NIBAN1: variants seen among roughly 807,000 people sequenced by gnomAD.
NIBAN1 encodes the protein protein Niban 1.
In NIBAN1, 81 loss-of-function variants were observed where a neutral mutation model predicts 75.1. The ratio of observed to expected loss-of-function variants is 1.08; its 90% confidence interval spans 0.90 to 1.30. The LOEUF is 1.30. Ranked by LOEUF, NIBAN1 falls within the 50% of genes most tolerant of loss-of-function variation. NIBAN1 has a pLI of 0.00. For missense variants in NIBAN1, 1,133 were observed against 1,128.1 expected (o/e 1.00, Z -0.06); for synonymous variants, 436 against 424.8 (o/e 1.03, Z -0.32).
chr1:184,813,207 G>C (rs1393292321), intron 9 of NIBAN1, among the ~76,000 whole-genome samples: 1 of 152,118 alleles, frequency 6.6e-6, no homozygotes, highest in Non-Finnish European at 1.5e-5. Context: ...TCTTCTGTCT[G>C]TCTGTCTATG....
In NIBAN1 at chr1:184,794,603, G is replaced by C. The variant is rs768737282; in HGVS notation, c.*374C>G. 340 of 341,046 alleles carry C rather than the reference G, an allele frequency of 1.0e-3. 4 individuals are homozygous for C. Among genetic ancestry groups the C allele is most frequent in the Admixed American group, 2.7e-3 (61 of 22,474 alleles). The allele number at this position is 341,046 out of a possible 1,614,324, so 21.1% of individuals were successfully genotyped here. ...TTGCATTCTCAAACAAAATTAAAAA[G>C]CCTTAAAGTGCACAAGAAGATTGCA... is the stretch of plus-strand genomic sequence containing the variant. On this transcript the variant is annotated 3_prime_UTR_variant, in exon 14 of 14. Transcript: ENST00000367511.
chr1:184,934,237 A>G (rs1291512268), intron 1 of NIBAN1, among the ~76,000 whole-genome samples: 1 of 152,190 alleles, frequency 6.6e-6, no homozygotes, highest in Non-Finnish European at 1.5e-5. Flanking sequence ...CAAATACCAC[A>G]TATTCTTACT....
intron 1 of NIBAN1, among the ~76,000 whole-genome samples, chr1:184,935,441 G>A (rs1571586667): frequency 6.6e-6 from 1 of 152,148 alleles, no homozygotes. Context: ...CCAGGAGGTT[G>A]AGGCTGCAGT....
At chr1:184,891,396 T>C (rs1656662465) in intron 3 of NIBAN1, among the ~76,000 whole-genome samples, 1 of 152,218 alleles carries the variant, frequency 6.6e-6, no homozygotes, top group African/African-American at 2.4e-5. Context: ...GAAACAATAA[T>C]GTTGAGAGAA....
chr1:184,839,320 T>G (rs892258919), intron 5 of NIBAN1, among the ~76,000 whole-genome samples: 1 of 152,220 alleles, frequency 6.6e-6, no homozygotes, highest in Non-Finnish European at 1.5e-5. Context: ...AATTTTAGAT[T>G]ATCTCAAATA....
At chr1:184,888,748 T>C (rs778089495) in intron 4 of NIBAN1, among the ~76,000 whole-genome samples, 6 of 152,220 alleles carry the variant, frequency 3.9e-5, no homozygotes, top group Non-Finnish European at 7.3e-5. Context: ...GCTGATTTCA[T>C]TGGAAAGTTT....
At chr1:184,842,801 A>G (rs186612869) in intron 5 of NIBAN1, among the ~76,000 whole-genome samples, 91 of 151,756 alleles carry the variant, frequency 6.0e-4, no homozygotes, top group Middle Eastern at 6.8e-3. Flanking sequence ...TGGTTTTGCC[A>G]TAGATATTCT....
rs7540709 is a variant in NIBAN1 at position 184,817,765 on chromosome 1, A to G, written c.1173+873T>C. Among the ~76,000 whole-genome samples the G allele has an allele frequency of 8.2e-3, 1,242 of 152,334 alleles. 13 individuals carry two copies. Among genetic ancestry groups the G allele is most frequent in the African/African-American group, 0.028 (1,159 of 41,584 alleles). On this transcript the variant is annotated intron_variant, in intron 9 of 13. Transcript: ENST00000367511. ...TAAGAAGGACTCCTTTCTTATATAT[A>G]TAAGTCCTTGTGGATGAACTGTAAC...
intron 5 of NIBAN1, among the ~76,000 whole-genome samples, chr1:184,876,929 G>A (rs139990659): frequency 5.8e-4 from 89 of 152,216 alleles, no homozygotes; most frequent in Middle Eastern, 3.4e-3. Context: ...ATCCAAAAAT[G>A]CACTGAAAAA....
intron 1 of NIBAN1, among the ~76,000 whole-genome samples, chr1:184,923,660 G>A (rs1294339878): frequency 6.6e-6 from 1 of 151,998 alleles, no homozygotes; most frequent in Non-Finnish European, 1.5e-5. Flanking sequence ...TGGGTTGGGT[G>A]GTATGGATAT....
chr1:184,882,767 G>A (rs980671899), intron 5 of NIBAN1, among the ~76,000 whole-genome samples: 9 of 152,134 alleles, frequency 5.9e-5, no homozygotes, highest in South Asian at 2.1e-4. Flanking sequence ...GTGAAACTTC[G>A]CAGTTCCTGT....
rs1657293448 is a variant in NIBAN1, at chr1:184,913,155, T to TTATATATATATATA, written c.56-13847_56-13846insTATATATATATATA. Among the ~76,000 whole-genome samples the TTATATATATATATA allele has an allele frequency of 2.3e-3, 169 of 74,784 alleles. 1 individual carries two copies. Among genetic ancestry groups the TTATATATATATATA allele is most frequent in the African/African-American group, 5.5e-3 (163 of 29,570 alleles). The allele number at this position is 74,784 out of a possible 152,430, so 49.1% of individuals were successfully genotyped here. ...CATGCAGGTATATATATATATATAT[T>TTATATATATATATA]ATATATATATGCCTTTCATACCATG... On this transcript the variant is annotated intron_variant, in intron 1 of 13. Transcript: ENST00000367511.
Position 184,940,678 on chromosome 1 carries a change from A to C in NIBAN1, c.55+33624T>G, listed in dbSNP as rs571664211. ...ATATGATTCCTATTAACTTCCTATG[A>C]GCATTTTGCAAGAAAGTCAAGCAAA... On this transcript the variant is annotated intron_variant, in intron 1 of 13. Transcript: ENST00000367511. Among the ~76,000 whole-genome samples, 15 of 152,362 alleles carry C rather than the reference A, an allele frequency of 9.8e-5. No individual in the cohort carries two copies. In the South Asian group the frequency reaches 3.1e-3, roughly 32 times the overall value.
Position 184,974,302 on chromosome 1 carries a change from C to G in NIBAN1, c.55G>C (p.Gly19Arg), listed in dbSNP as rs1476571292. 2 of 1,562,048 alleles carry G rather than the reference C, an allele frequency of 1.3e-6. No individual in the cohort carries two copies. The highest frequency in any genetic ancestry group is 1.4e-5 in the African/African-American group (1 of 73,540). Residue 19 changes from glycine to arginine, a missense_variant and splice_region_variant, in exon 1 of 14, where the codon GGG becomes CGG. Gly to Arg is a moderately radical substitution (Grantham distance 125, BLOSUM62 -2). Coordinates refer to ENST00000367511, the MANE Select transcript of NIBAN1 (RefSeq NM_052966.4). ...CAGGCCCCCGGGCGGGCGGGCGTAC[C>G]TCGGATGTAAGCGCACTTGCCCTCG... Reference protein sequence around the residue: ...LDEGKCAYIRGKTEAAIKNFS... With the variant: ...LDEGKCAYIRRKTEAAIKNFS...
intron 1 of NIBAN1, among the ~76,000 whole-genome samples, chr1:184,905,946 A>G (rs907423834): frequency 1.3e-5 from 2 of 152,056 alleles, no homozygotes; most frequent in African/African-American, 4.8e-5. Flanking sequence ...TACCAAAAAT[A>G]TACACTCTTG....
chr1:184,816,007 A>T (rs1055064024), intron 9 of NIBAN1, among the ~76,000 whole-genome samples: 2 of 152,248 alleles, frequency 1.3e-5, no homozygotes, highest in African/African-American at 4.8e-5. Flanking sequence ...GCTAAACAGA[A>T]AAGTACCTAT....
At chr1:184,946,007 AAAAG>A (rs1658215239) in intron 1 of NIBAN1, among the ~76,000 whole-genome samples, 1 of 151,976 alleles carries the variant, frequency 6.6e-6, no homozygotes, top group Admixed American at 6.6e-5. Context: ...TTAAAAAAAA[AAAAG>A]AAAGAGGGGC....
At chr1:184,878,617 G>A (rs770012541) in intron 5 of NIBAN1, among the ~76,000 whole-genome samples, 1 of 152,166 alleles carries the variant, frequency 6.6e-6, no homozygotes, top group African/African-American at 2.4e-5. Flanking sequence ...CAGGTCTCAG[G>A]TGATCTTAAG....
intron 1 of NIBAN1, among the ~76,000 whole-genome samples, chr1:184,911,430 G>A (rs550763607): frequency 6.6e-6 from 1 of 152,284 alleles, no homozygotes; most frequent in Non-Finnish European, 1.5e-5. Context: ...CAGCAAAAAG[G>A]TATAGACCCA....
Sources: allele counts gnomAD v4.1 joint callset (sites outside exome capture counted in the v4.1 genomes callset), GRCh38; gene constraint gnomAD v4.1.1; transcripts MANE v1.5; gene names NCBI Gene and HGNC (gene_info 2026-07-23, HGNC 2026-07-21).